The following TMEM39B variants were observed in gnomAD, a reference collection of about 807,000 sequenced individuals.
The protein encoded by TMEM39B is transmembrane protein 39B.
Under a neutral mutation model 52.2 loss-of-function variants are expected in TMEM39B, and 23 were observed. The ratio of observed to expected loss-of-function variants is 0.44; its 90% CI spans 0.32 to 0.62. TMEM39B has a LOEUF of 0.62. TMEM39B is among the 20% of genes least tolerant of loss of function. The pLI is 0.06. For synonymous variants in TMEM39B, 285 were observed against 264.0 expected (o/e 1.08, Z -0.77); for missense variants, 547 against 642.0 (o/e 0.85, Z 1.60).
In TMEM39B at chr1:32,100,424, A is replaced by G. The variant is rs1557444008; in HGVS notation, c.1116-18A>G. The G allele has an allele frequency of 2.5e-6, 4 of 1,570,670 alleles. No homozygotes were observed. Among genetic ancestry groups the G allele is most frequent in the African/African-American group, 2.7e-5 (2 of 74,072 alleles). On this transcript the variant is annotated intron_variant, in intron 7 of 8. Coordinates refer to ENST00000336294, the MANE Select transcript of TMEM39B (RefSeq NM_018056.4). ...GGGTGAGCTGGGGATAAGGGGCACC[A>G]TTGAACTGTGCCCCCAGGTGGACTG...
At chr1:32,073,096 C>A (rs1459377602) in intron 1 of TMEM39B, 45 bp downstream of exon 1, 4 of 1,441,028 alleles carry the variant, frequency 2.8e-6, no homozygotes, top group Admixed American at 5.6e-5. Context: ...AGCGGGCGCA[C>A]GGGTTAGGAT....
At chr1:32,079,473 C>T (rs975192549) in intron 5 of TMEM39B, among the ~76,000 whole-genome samples, 5 of 152,128 alleles carry the variant, frequency 3.3e-5, no homozygotes, top group Middle Eastern at 3.4e-3. Flanking sequence ...CATGAGCCAC[C>T]GCGCCTGGCC....
chr1:32,076,252 C>T (rs1639856281), intron 3 of TMEM39B: 1 of 235,360 alleles, frequency 4.2e-6, no homozygotes, highest in Non-Finnish European at 8.6e-6. Context: ...GCTGGGATTA[C>T]AGGTGTGTGC....
chr1:32,082,993 C>G (rs1640173092), intron 5 of TMEM39B, among the ~76,000 whole-genome samples: 1 of 150,632 alleles, frequency 6.6e-6, no homozygotes, highest in Non-Finnish European at 1.5e-5. Flanking sequence ...CCAGGATGGT[C>G]TCGATCTCCT....
chr1:32,091,865 A>G lies in TMEM39B; in HGVS notation c.781A>G (p.Thr261Ala). 2 of 1,614,160 alleles carry G rather than the reference A, an allele frequency of 1.2e-6. No individual in the cohort carries two copies. The highest frequency in any genetic ancestry group is 1.7e-6 in the Non-Finnish European group (2 of 1,180,026). The change falls in exon 6 of 9, where the codon ACC becomes GCC. Residue 261 changes from threonine to alanine, a missense_variant. By Grantham distance (58) the Thr-to-Ala change is moderately conservative. Transcript: ENST00000336294. Reference protein sequence around the residue: ...RQLYGPDAMPTHACCLSPSLI... With the variant: ...RQLYGPDAMPAHACCLSPSLI... ...GCTGTATGGCCCGGACGCCATGCCCACCCATGCCTGCTGCCTGTCACCCAG... is the reference window on the plus strand; with the variant it reads ...GCTGTATGGCCCGGACGCCATGCCCGCCCATGCCTGCTGCCTGTCACCCAG...
intron 7 of TMEM39B, among the ~76,000 whole-genome samples, chr1:32,099,355 A>AT (rs1640933456): frequency 6.6e-6 from 1 of 152,154 alleles, no homozygotes; most frequent in Admixed American, 6.6e-5. Context: ...ATTAAGAGAA[A>AT]TACCTAATGT....
At chr1:32,072,385 A>C (rs1639682163), upstream of TMEM39B, 1 of 152,326 alleles carries the variant, frequency 6.6e-6, no homozygotes, top group South Asian at 2.0e-4. Context: ...GTAAAGCATA[A>C]AAAAACAAGA....
At position 32,102,621 on chromosome 1, in the gene TMEM39B, C is replaced by T. The variant is rs1452023096; in HGVS notation, c.1427C>T (p.Ala476Val). The change falls in exon 9 of 9, where the codon GCC (alanine) becomes GTC (valine). Residue 476 changes from alanine (A) to valine (V), a missense_variant. Transcript: ENST00000336294. ...CGGGACCGCTTGGTATTGGGCAAGG[C>T]CTACTCATACTCTGCTAGCCCCCAG... ...LLRDRLVLGK[A>V]YSYSASPQRD... The T allele has an allele frequency of 1.2e-6, 2 of 1,612,162 alleles. No homozygotes were observed. Among genetic ancestry groups the T allele is most frequent in the African/African-American group, 2.7e-5 (2 of 74,868 alleles).
At chr1:32,081,044 T>C (rs1344235926) in intron 5 of TMEM39B, among the ~76,000 whole-genome samples, 1 of 151,782 alleles carries the variant, frequency 6.6e-6, no homozygotes, top group African/African-American at 2.4e-5. Context: ...AATAAATAAA[T>C]AAATAAATAG....
At position 32,100,456 on chromosome 1, in the gene TMEM39B, G is replaced by A. The variant is rs1216623158; in HGVS notation, c.1130G>A (p.Cys377Tyr). ...NVLQHPWTEE[C>Y]MWPQGVLVKH... ...TGTGCCCCCAGGTGGACTGAAGAAT[G>A]CATGTGGCCGCAGGGCGTGCTGGTG... Residue 377 changes from cysteine (C) to tyrosine (Y), a missense_variant, in exon 8 of 9, where the codon TGC (cysteine) becomes TAC (tyrosine). Cys to Tyr is a radical substitution (Grantham distance 194, BLOSUM62 -2). Transcript: ENST00000336294. The A allele has an allele frequency of 6.3e-7, 1 of 1,599,890 alleles. No homozygotes were observed. Among genetic ancestry groups the A allele is most frequent in the Non-Finnish European group, 8.5e-7 (1 of 1,172,876 alleles).
chr1:32,082,806 G>A (rs186336164), intron 5 of TMEM39B, among the ~76,000 whole-genome samples: 5 of 145,224 alleles, frequency 3.4e-5, no homozygotes, highest in South Asian at 2.2e-4. Flanking sequence ...ACGGAGTCTC[G>A]CTCTGTCGCC....
In TMEM39B at chr1:32,094,863, A is replaced by G. The variant is rs1252223057; in HGVS notation, c.1007A>G (p.Gln336Arg). The G allele has an allele frequency of 1.2e-6, 2 of 1,614,076 alleles. No individual in the cohort carries two copies. Among genetic ancestry groups the G allele is most frequent in the African/African-American group, 2.7e-5 (2 of 74,944 alleles). The change falls in exon 7 of 9, where the codon CAG (glutamine) becomes CGG (arginine). Residue 336 changes from glutamine (Q) to arginine (R), a missense_variant. Coordinates refer to ENST00000336294, the MANE Select transcript of TMEM39B (RefSeq NM_018056.4). ...VSISTSVILM[Q>R]HLLPASYCDL... ...ATCAGCACCTCCGTGATCCTCATGC[A>G]GCACCTGCTGCCTGCCAGCTACTGT...
chr1:32,075,132 C>T (rs914098173), intron 2 of TMEM39B, 55 bp downstream of exon 2: 1 of 1,509,974 alleles, frequency 6.6e-7, no homozygotes, highest in Non-Finnish European at 8.9e-7. Context: ...ACGATGTGGA[C>T]AGGGCTCTCT....
intron 5 of TMEM39B, among the ~76,000 whole-genome samples, chr1:32,089,953 C>G (rs1441871486): frequency 6.6e-6 from 1 of 151,586 alleles, no homozygotes; most frequent in East Asian, 1.9e-4. Context: ...CGCTTGAACC[C>G]AGGAGGCGGA....
chr1:32,086,766 C>CA lies in TMEM39B; in HGVS notation c.591-4896dup, dbSNP rs894389649. On this transcript the variant is annotated intron_variant, in intron 5 of 8. Transcript: ENST00000336294. Reference sequence around the variant, plus strand: ...TGGGAAACAGAGCCAGGCCCTGTCTCAAAAAAAAAAAAAGAGAGAGAAACT... The same window carrying CA: ...TGGGAAACAGAGCCAGGCCCTGTCTCAAAAAAAAAAAAAAGAGAGAGAAACT... 9.0e-3 allele frequency among the ~76,000 whole-genome samples: 1,233 copies of CA among 136,946 alleles called. 18 individuals are homozygous for CA. Among genetic ancestry groups the CA allele is most frequent in the African/African-American group, 0.027 (1,007 of 37,376 alleles). The allele number at this position is 136,946 out of a possible 152,430, so 89.8% of individuals were successfully genotyped here.
chr1:32,082,612 G>A (rs1408476608), intron 5 of TMEM39B, among the ~76,000 whole-genome samples: 8 of 151,484 alleles, frequency 5.3e-5, no homozygotes, highest in African/African-American at 1.5e-4. Flanking sequence ...GCACCACCAC[G>A]CCCAGCTAAT....
rs1267717901 is a variant in TMEM39B, at chr1:32,077,298, C to T, written c.570C>T (p.Asn190=). The change falls in exon 5 of 9, where the codon AAC becomes AAT. Residue 190 remains asparagine (N), a synonymous_variant. Transcript: ENST00000336294. ...IHLFRTYSFL[N]LLFLCYPFGM... ...TCTTCAGGACCTACTCCTTCCTGAACCTCCTGTTCCTCTGCTATCCGTGAG... is the reference window on the plus strand; with the variant it reads ...TCTTCAGGACCTACTCCTTCCTGAATCTCCTGTTCCTCTGCTATCCGTGAG... The T allele has an allele frequency of 1.9e-6, 3 of 1,614,210 alleles. No homozygotes were observed. Among genetic ancestry groups the T allele is most frequent in the African/African-American group, 2.7e-5 (2 of 75,058 alleles).
intron 1 of TMEM39B, chr1:32,073,474 T>G (rs1639727458): frequency 4.4e-6 from 4 of 908,536 alleles, no homozygotes; most frequent in Non-Finnish European, 5.3e-6. Flanking sequence ...CATTCTGGAG[T>G]GGGGCTTCTG....
intron 5 of TMEM39B, among the ~76,000 whole-genome samples, chr1:32,077,600 T>C (rs1292668046): frequency 6.6e-6 from 1 of 152,132 alleles, no homozygotes; most frequent in Non-Finnish European, 1.5e-5. Context: ...CAAGAGGGAA[T>C]GTATGGGCTT....
Sources: allele counts gnomAD v4.1 joint callset (sites outside exome capture counted in the v4.1 genomes callset), GRCh38; gene constraint gnomAD v4.1.1; transcripts MANE v1.5; gene names NCBI Gene and HGNC (gene_info 2026-07-23, HGNC 2026-07-21).